The following EPB41L5 variants were observed in gnomAD, a reference collection of about 807,000 sequenced individuals.
EPB41L5 encodes the protein band 4.1-like protein 5.
A neutral mutation model predicts 106.6 loss-of-function variants in EPB41L5; 55 were observed. That is an observed-to-expected ratio of 0.52 (90% CI 0.42 to 0.65). The LOEUF (loss-of-function observed/expected upper bound fraction) is 0.65, where lower values mean the gene tolerates loss of function less well. EPB41L5 is among the 30% of genes least tolerant of loss of function. The pLI is 0.00. For synonymous variants in EPB41L5, 297 were observed against 306.7 expected (o/e 0.97, Z 0.33); for missense variants, 871 against 882.1 (o/e 0.99, Z 0.16).
chr2:120,162,786 T>C (rs1164072386), intron 21 of EPB41L5, among the ~76,000 whole-genome samples: 5 of 152,244 alleles, frequency 3.3e-5, no homozygotes, highest in African/African-American at 1.2e-4. Flanking sequence ...AGAATCGTAA[T>C]ACATTGTGGT....
At chr2:120,149,337 G>T (rs935677597) in intron 20 of EPB41L5, among the ~76,000 whole-genome samples, 1 of 151,916 alleles carries the variant, frequency 6.6e-6, no homozygotes, top group African/African-American at 2.4e-5. Flanking sequence ...GAATATTTTC[G>T]TCACCTCAAA....
At chr2:120,104,612 A>C (rs1289465021) in intron 16 of EPB41L5, 1 of 990,724 alleles carries the variant, frequency 1.0e-6, no homozygotes, top group Non-Finnish European at 1.2e-6. Flanking sequence ...CGAGGTTAAA[A>C]GAATCAGACA....
chr2:120,088,680 A>T (rs1415980871), intron 11 of EPB41L5, among the ~76,000 whole-genome samples: 2 of 152,158 alleles, frequency 1.3e-5, no homozygotes, highest in Non-Finnish European at 2.9e-5. Context: ...CTCTTTCCAA[A>T]GTATTTAATA....
At chr2:120,016,663 G>A (rs1018831897) in intron 1 of EPB41L5, among the ~76,000 whole-genome samples, 3 of 151,614 alleles carry the variant, frequency 2.0e-5, no homozygotes, top group African/African-American at 7.3e-5. Flanking sequence ...CTTGCTCTTT[G>A]TTCTTTTTTT....
At chr2:120,133,663 T>C (rs1191822575) in intron 18 of EPB41L5, among the ~76,000 whole-genome samples, 2 of 152,108 alleles carry the variant, frequency 1.3e-5, no homozygotes, top group African/African-American at 4.8e-5. Flanking sequence ...CCTAAATAAA[T>C]TTGAAAGATA....
intron 22 of EPB41L5, among the ~76,000 whole-genome samples, chr2:120,167,185 T>G (rs1687451475): frequency 6.6e-6 from 1 of 152,236 alleles, no homozygotes; most frequent in African/African-American, 2.4e-5. Context: ...GGCAGTCCTA[T>G]TAAGTGAACT....
chr2:120,102,061 T>C (rs1223260738), intron 16 of EPB41L5, among the ~76,000 whole-genome samples: 1 of 152,334 alleles, frequency 6.6e-6, no homozygotes, highest in East Asian at 1.9e-4. Context: ...ATCTCATTGA[T>C]GTTACCACCA....
chr2:120,165,307 C>T (rs1277649130), intron 22 of EPB41L5, among the ~76,000 whole-genome samples: 1 of 152,126 alleles, frequency 6.6e-6, no homozygotes, highest in African/African-American at 2.4e-5. Flanking sequence ...ATAGTTGTCC[C>T]TCAGTATCTG....
At chr2:120,057,101 C>T (rs138566055) in intron 3 of EPB41L5, among the ~76,000 whole-genome samples, 2 of 152,190 alleles carry the variant, frequency 1.3e-5, no homozygotes, top group Non-Finnish European at 2.9e-5. Context: ...ACCATGTTGC[C>T]CAGACTGGTC....
At chr2:120,140,114 T>G (rs1460190784) in intron 18 of EPB41L5, among the ~76,000 whole-genome samples, 1 of 151,862 alleles carries the variant, frequency 6.6e-6, no homozygotes, top group Non-Finnish European at 1.5e-5. Context: ...AACGAAGAAT[T>G]AAACTTGCGG....
intron 11 of EPB41L5, among the ~76,000 whole-genome samples, chr2:120,089,566 AT>A (rs746660676): frequency 1.3e-5 from 2 of 152,118 alleles, no homozygotes; most frequent in Non-Finnish European, 2.9e-5. Context: ...TTCATCATTT[AT>A]TCATTTATCC....
chr2:120,172,387 C>T (rs1451597648), intron 24 of EPB41L5, among the ~76,000 whole-genome samples: 2 of 152,108 alleles, frequency 1.3e-5, no homozygotes, highest in Non-Finnish European at 2.9e-5. Flanking sequence ...ATGTAAGTCT[C>T]CAGCAAAGGG....
chr2:120,163,838 G>C (rs1032181522), intron 21 of EPB41L5, among the ~76,000 whole-genome samples: 3 of 151,994 alleles, frequency 2.0e-5, no homozygotes, highest in African/African-American at 7.2e-5. Context: ...TGTAGTCCCA[G>C]CTACTTGGGA....
intron 3 of EPB41L5, among the ~76,000 whole-genome samples, chr2:120,063,937 C>T (rs1681265306): frequency 6.7e-6 from 1 of 149,296 alleles, no homozygotes; most frequent in Non-Finnish European, 1.5e-5. Context: ...AGTGAAACTC[C>T]ATCTCAAAAA....
chr2:120,087,168 T>C lies in EPB41L5; in HGVS notation c.804-3T>C, dbSNP rs1355804476. ...TGGCTTTTATTCTCTTATTATATTA[T>C]AGGCCGAAGATAACCAGATTGGATT... On this transcript the variant is annotated splice_polypyrimidine_tract_variant and splice_region_variant and intron_variant, in intron 10 of 24. Transcript: ENST00000263713. The C allele has an allele frequency of 1.3e-6, 2 of 1,556,260 alleles. No homozygotes were observed. Among genetic ancestry groups the C allele is most frequent in the Non-Finnish European group, 1.8e-6 (2 of 1,133,074 alleles).
At chr2:120,063,215 G>A (rs759159906) in intron 3 of EPB41L5, among the ~76,000 whole-genome samples, 6 of 151,780 alleles carry the variant, frequency 4.0e-5, no homozygotes, top group Non-Finnish European at 8.8e-5. Flanking sequence ...GGTGGCTCAC[G>A]CCTGTAGTCC....
At chr2:120,015,455 A>G (rs992494911) in intron 1 of EPB41L5, among the ~76,000 whole-genome samples, 2 of 152,022 alleles carry the variant, frequency 1.3e-5, no homozygotes, top group East Asian at 3.9e-4. Context: ...CCAGCCATAT[A>G]TTCTTGTTGT....
intron 7 of EPB41L5, among the ~76,000 whole-genome samples, chr2:120,076,308 C>G (rs530138283): frequency 6.7e-6 from 1 of 150,264 alleles, no homozygotes; most frequent in African/African-American, 2.4e-5. Context: ...TCAGTATATT[C>G]TTTTGTTTTG....
At chr2:120,050,736 G>A (rs879915149) in intron 3 of EPB41L5, among the ~76,000 whole-genome samples, 1 of 152,218 alleles carries the variant, frequency 6.6e-6, no homozygotes, top group Non-Finnish European at 1.5e-5. Context: ...GAGGCGCTCT[G>A]ATTTTTAGAA....
Sources: gnomAD v4.1 joint callset for allele counts (sites outside exome capture counted in the v4.1 genomes callset) on GRCh38, gnomAD v4.1.1 for gene constraint, MANE v1.5 for transcripts, NCBI Gene and HGNC (gene_info 2026-07-23, HGNC 2026-07-21) for gene names.